The following LRSAM1 variants were observed in gnomAD, a reference collection of about 807,000 sequenced individuals.
LRSAM1 encodes the protein E3 ubiquitin-protein ligase LRSAM1.
A neutral mutation model predicts 118.1 loss-of-function variants in LRSAM1; 96 were observed. That is an observed-to-expected ratio of 0.81 (90% CI 0.69 to 0.96). The LOEUF is 0.96. Among genes scored for constraint, LRSAM1 ranks in the 40% least tolerant of loss-of-function variants. The pLI, the probability that LRSAM1 is intolerant of heterozygous loss-of-function variation, is 0.00. For synonymous variants in LRSAM1, 322 were observed against 364.2 expected, an observed-to-expected ratio of 0.88 and a Z score of 1.32; for missense variants, 804 against 915.5, an observed-to-expected ratio of 0.88 and a Z score of 1.57.
At chr9:127,451,503 C>A (rs1025795609), upstream of LRSAM1, 3 of 695,022 alleles carry the variant, frequency 4.3e-6, no homozygotes, top group Admixed American at 2.8e-5. Context: ...CCCTTGTCGC[C>A]ATGTTTGTTG....
intron 9 of LRSAM1, among the ~76,000 whole-genome samples, chr9:127,464,166 T>G (rs1025488239): frequency 6.6e-6 from 1 of 152,180 alleles, no homozygotes; most frequent in African/African-American, 2.4e-5. Context: ...GGGTGGGTGA[T>G]CACAGAGACA....
intron 5 of LRSAM1, among the ~76,000 whole-genome samples, chr9:127,456,338 A>C (rs1410925886): frequency 5.3e-5 from 8 of 151,682 alleles, no homozygotes; most frequent in Non-Finnish European, 1.5e-5. Context: ...GGTTCAAGCA[A>C]TTCTCCTGCC....
intron 15 of LRSAM1, among the ~76,000 whole-genome samples, chr9:127,481,693 G>A (rs570395182): frequency 2.6e-5 from 4 of 152,174 alleles, no homozygotes; most frequent in East Asian, 1.9e-4. Context: ...TAAAACATAC[G>A]TACACTCCTG....
intron 21 of LRSAM1, 75 bp from the exon 22 acceptor site, chr9:127,495,245 G>C (rs944877446): frequency 7.1e-6 from 10 of 1,411,198 alleles, no homozygotes; most frequent in Non-Finnish European, 9.9e-6. Flanking sequence ...GAGCCACCGC[G>C]CCTGGCAACC....
At chr9:127,458,872 G>A (rs1834627443) in intron 6 of LRSAM1, 131 bp from the exon 7 acceptor site, 5 of 790,606 alleles carry the variant, frequency 6.3e-6, no homozygotes, top group South Asian at 5.5e-5. Flanking sequence ...ACACTGAGTG[G>A]GAAAGGAGTG....
intron 6 of LRSAM1, among the ~76,000 whole-genome samples, chr9:127,457,973 T>TC (rs1158400414): frequency 6.6e-6 from 1 of 151,784 alleles, no homozygotes; most frequent in Admixed American, 6.6e-5. Context: ...TCTTTCTTTT[T>TC]TTTTTTTTTA....
At chr9:127,467,680 C>T (rs186675387) in intron 9 of LRSAM1, 60 bp from the exon 10 acceptor site, 16 of 1,448,024 alleles carry the variant, frequency 1.1e-5, no homozygotes, top group East Asian at 7.1e-5. Flanking sequence ...ATAAGGAAAT[C>T]GTGTGGTCTC....
chr9:127,473,750 T>C (rs1179430464), intron 10 of LRSAM1, 51 bp from the exon 11 acceptor site: 2 of 1,613,522 alleles, frequency 1.2e-6, no homozygotes, highest in South Asian at 2.2e-5. Context: ...TGTCTCTGGG[T>C]ACCTCAGCTG....
chr9:127,482,564 C>CCACCAT (rs757201364), intron 15 of LRSAM1, among the ~76,000 whole-genome samples: 1 of 152,230 alleles, frequency 6.6e-6, no homozygotes, highest in Non-Finnish European at 1.5e-5. Flanking sequence ...CATTTCTCCA[C>CCACCAT]CACCATCACC....
chr9:127,491,431 C>T (rs1329863871), intron 20 of LRSAM1, 136 bp downstream of exon 20: 1 of 726,320 alleles, frequency 1.4e-6, no homozygotes, highest in Non-Finnish European at 2.4e-6. Context: ...CAGAGCTCCT[C>T]TGTGGCTGTG....
intron 10 of LRSAM1, among the ~76,000 whole-genome samples, chr9:127,469,632 C>CA (rs1835090167): frequency 7.4e-6 from 1 of 135,812 alleles, no homozygotes; most frequent in Non-Finnish European, 1.6e-5. Context: ...AAAAAAAAAA[C>CA]AAAAAACTTC....
chr9:127,480,799 T>G (rs548350678), intron 14 of LRSAM1, among the ~76,000 whole-genome samples: 157 of 152,264 alleles, frequency 1.0e-3, no homozygotes, highest in African/African-American at 3.6e-3. Context: ...GCAATTCTCT[T>G]GCCTCAGCCT....
intron 4 of LRSAM1, 60 bp downstream of exon 4, chr9:127,455,114 G>C: frequency 6.4e-7 from 1 of 1,554,620 alleles, no homozygotes; most frequent in Non-Finnish European, 8.9e-7. Context: ...TGGATCTTGT[G>C]TCCCTAGGAA....
At chr9:127,475,986 C>G (rs1835337471) in intron 11 of LRSAM1, among the ~76,000 whole-genome samples, 1 of 152,110 alleles carries the variant, frequency 6.6e-6, no homozygotes, top group Non-Finnish European at 1.5e-5. Flanking sequence ...GTGATCTGCC[C>G]ACCTCGGCCT....
At chr9:127,500,736 C>T (rs1328355490) in intron 24 of LRSAM1, among the ~76,000 whole-genome samples, 1 of 152,210 alleles carries the variant, frequency 6.6e-6, no homozygotes, top group Non-Finnish European at 1.5e-5. Flanking sequence ...TGAAGCGTCC[C>T]GGGGACATTA....
At chr9:127,475,165 A>G (rs1835308485) in intron 11 of LRSAM1, among the ~76,000 whole-genome samples, 1 of 152,118 alleles carries the variant, frequency 6.6e-6, no homozygotes, top group African/African-American at 2.4e-5. Context: ...CAACACAGTC[A>G]CTGGCTGAAG....
intron 10 of LRSAM1, among the ~76,000 whole-genome samples, chr9:127,468,892 G>A (rs577694639): frequency 1.3e-5 from 2 of 151,770 alleles, no homozygotes; most frequent in Admixed American, 6.6e-5. Flanking sequence ...GGGAGGCTGA[G>A]GTGGAAGGAT....
chr9:127,454,382 T>C, intron 2 of LRSAM1, 114 bp from the exon 3 acceptor site: 1 of 810,568 alleles, frequency 1.2e-6, no homozygotes, highest in Admixed American at 2.0e-5. Context: ...CCTGCCTCCA[T>C]GGAACTCATG....
At chr9:127,489,678 C>T (rs780372521) in intron 19 of LRSAM1, among the ~76,000 whole-genome samples, 160 bp downstream of exon 19, 5 of 152,230 alleles carry the variant, frequency 3.3e-5, no homozygotes, top group African/African-American at 4.8e-5. Context: ...TCCCTTTGCT[C>T]CCAGCCTTGT....
Sources: allele counts gnomAD v4.1 joint callset (sites outside exome capture counted in the v4.1 genomes callset), GRCh38; gene constraint gnomAD v4.1.1; transcripts MANE v1.5; gene names NCBI Gene and HGNC (gene_info 2026-07-23, HGNC 2026-07-21).